Variants in RBFOX1 observed in about 807,000 individuals in gnomAD.
RBFOX1 encodes the protein RNA binding protein fox-1 homolog 1.
RBFOX1 carries 8 observed loss-of-function variants against 57.7 expected under a neutral mutation model. The ratio of observed to expected loss-of-function variants is 0.14; its 90% confidence interval spans 0.08 to 0.25. The LOEUF is 0.25. RBFOX1 is among the 10% of genes least tolerant of loss of function. The pLI, the probability that RBFOX1 is intolerant of heterozygous loss-of-function variation, is 1.00. For missense variants in RBFOX1, 611 were observed against 548.5 expected (o/e 1.11, Z -1.14); for synonymous variants, 326 against 222.4 (o/e 1.47, Z -4.15).
At chr16:5,704,255 T>A (rs2051155733) in intron 3 of RBFOX1, among the ~76,000 whole-genome samples, 1 of 152,130 alleles carries the variant, frequency 6.6e-6, no homozygotes. Context: ...TGGATAAAAG[T>A]TATGCAAAGA....
chr16:7,504,736 T>A (rs1173008973), intron 4 of RBFOX1, among the ~76,000 whole-genome samples: 7 of 10,116 alleles, frequency 6.9e-4, no homozygotes, highest in Admixed American at 1.5e-3. Flanking sequence ...TATATATATA[T>A]ATATATATAT....
chr16:6,775,951 G>A (rs1487454860), intron 3 of RBFOX1: 1 of 152,136 alleles, frequency 6.6e-6, no homozygotes, highest in Non-Finnish European at 1.5e-5. Flanking sequence ...GGCTAACCAG[G>A]GATTGTGTTC....
chr16:6,180,137 T>C (rs890109144), intron 1 of RBFOX1, among the ~76,000 whole-genome samples: 9 of 152,172 alleles, frequency 5.9e-5, no homozygotes, highest in Non-Finnish European at 1.5e-5. Context: ...GATATGAGGA[T>C]AACAGTAGTC....
chr16:7,457,650 C>A (rs978147810), intron 4 of RBFOX1, among the ~76,000 whole-genome samples: 8 of 151,986 alleles, frequency 5.3e-5, no homozygotes, highest in African/African-American at 1.9e-4. Flanking sequence ...GTATCAAATC[C>A]CCTTTGCTTG....
intron 4 of RBFOX1, among the ~76,000 whole-genome samples, chr16:7,106,431 CAG>C (rs976700813): frequency 2.0e-5 from 3 of 151,870 alleles, no homozygotes; most frequent in Admixed American, 2.0e-4. Flanking sequence ...TTGTGTTAAA[CAG>C]AGAAAGAAAA....
intron 1 of RBFOX1, among the ~76,000 whole-genome samples, chr16:6,135,130 A>G (rs1328990474): frequency 1.3e-5 from 2 of 152,104 alleles, no homozygotes; most frequent in African/African-American, 4.8e-5. Flanking sequence ...TTTGCTGAGA[A>G]TGATGGTTAT....
intron 3 of RBFOX1, among the ~76,000 whole-genome samples, chr16:6,961,986 G>C (rs1041137065): frequency 1.3e-5 from 2 of 152,056 alleles, no homozygotes; most frequent in South Asian, 4.1e-4. Context: ...AACCTCATGG[G>C]AATACAGCTC....
At chr16:6,588,480 T>C (rs1037724524) in intron 2 of RBFOX1, among the ~76,000 whole-genome samples, 3 of 151,850 alleles carry the variant, frequency 2.0e-5, no homozygotes, top group Non-Finnish European at 2.9e-5. Flanking sequence ...TGACAAAACC[T>C]CGCATACACC....
intron 2 of RBFOX1, among the ~76,000 whole-genome samples, chr16:5,501,752 C>T (rs2043205216): frequency 6.6e-6 from 1 of 152,150 alleles, no homozygotes; most frequent in Admixed American, 6.5e-5. Flanking sequence ...CTTGCTCTGT[C>T]ACCCAGGCTG....
chr16:6,792,387 A>T (rs1163835899), intron 3 of RBFOX1, among the ~76,000 whole-genome samples: 2 of 152,232 alleles, frequency 1.3e-5, no homozygotes, highest in African/African-American at 2.4e-5. Flanking sequence ...ATGCAGAATT[A>T]TGCATTTTTT....
rs60888749 is a variant in RBFOX1, at chr16:6,867,043, C to T, written c.-15-185014C>T. On this transcript the variant is annotated intron_variant, in intron 3 of 15. Transcript: ENST00000550418. The stretch of plus-strand genomic sequence containing the variant: ...AAAAAAAAAAAAAAAACTTCCATGT[C>T]TTGCTATTATTATGAGTTTGTATTT... Among the ~76,000 whole-genome samples, 558 of 150,502 alleles carry T rather than the reference C, an allele frequency of 3.7e-3. 6 individuals are homozygous for T. The highest frequency in any genetic ancestry group is 0.013 in the African/African-American group (515 of 41,094).
intron 3 of RBFOX1, among the ~76,000 whole-genome samples, chr16:6,844,929 T>C (rs1244633196): frequency 1.3e-5 from 2 of 152,216 alleles, no homozygotes; most frequent in African/African-American, 4.8e-5. Flanking sequence ...ATTTCTCTAA[T>C]GATCAGTGAT....
intron 3 of RBFOX1, among the ~76,000 whole-genome samples, chr16:7,032,236 C>T (rs988505104): frequency 6.6e-6 from 1 of 151,910 alleles, no homozygotes; most frequent in Non-Finnish European, 1.5e-5. Flanking sequence ...ACCAGACTGA[C>T]CAACATGGTG....
chr16:5,644,750 G>A (rs922951952), intron 3 of RBFOX1, among the ~76,000 whole-genome samples: 55 of 152,270 alleles, frequency 3.6e-4, no homozygotes, highest in African/African-American at 1.2e-3. Context: ...ATAATACTCC[G>A]TTGTATGAAT....
At chr16:5,509,850 G>C (rs938999552) in intron 2 of RBFOX1, among the ~76,000 whole-genome samples, 1 of 152,182 alleles carries the variant, frequency 6.6e-6, no homozygotes, top group Admixed American at 6.5e-5. Flanking sequence ...AGGGAGTGCG[G>C]GGTGTCCCAG....
At chr16:7,685,330 T>C (rs142768384) in intron 14 of RBFOX1, among the ~76,000 whole-genome samples, 3 of 152,296 alleles carry the variant, frequency 2.0e-5, no homozygotes, top group African/African-American at 7.2e-5. Context: ...GAGTAAGAAC[T>C]ATCAACAGCT....
In RBFOX1 at chr16:6,594,870, C is replaced by T. The variant is rs578075129; in HGVS notation, c.-63-59733C>T. On this transcript the variant is annotated intron_variant, in intron 2 of 15. Coordinates refer to ENST00000550418, the MANE Select transcript of RBFOX1 (RefSeq NM_018723.4). ...GTGGCGTGATCTCAGCTAACTGTAACCTCCGCCTCCCGGGTTCAAGCGATT... is the reference window on the plus strand; with the variant it reads ...GTGGCGTGATCTCAGCTAACTGTAATCTCCGCCTCCCGGGTTCAAGCGATT... Among the ~76,000 whole-genome samples the T allele has an allele frequency of 5.5e-4, 83 of 152,236 alleles. No individual in the cohort carries two copies. The South Asian group carries it at 0.012, about 21-fold the overall frequency.
chr16:6,965,801 TAGTC>T (rs1478367594), intron 3 of RBFOX1, among the ~76,000 whole-genome samples: 1 of 152,186 alleles, frequency 6.6e-6, no homozygotes, highest in East Asian at 1.9e-4. Context: ...TCCTGTTCAT[TAGTC>T]AGTCTTTTAA....
chr16:5,745,339 TC>T (rs1487234358), intron 3 of RBFOX1, among the ~76,000 whole-genome samples: 1 of 152,226 alleles, frequency 6.6e-6, no homozygotes, highest in African/African-American at 2.4e-5. Flanking sequence ...ATCCGGTCTA[TC>T]ATTGATGGAC....
Sources: gnomAD v4.1 joint callset for allele counts (sites outside exome capture counted in the v4.1 genomes callset) on GRCh38, gnomAD v4.1.1 for gene constraint, MANE v1.5 for transcripts, NCBI Gene and HGNC (gene_info 2026-07-23, HGNC 2026-07-21) for gene names.